Variants in RGS17 observed in about 807,000 individuals in gnomAD.
RGS17 encodes the protein regulator of G protein signaling 17, also known as regulator of G-protein signaling 17.
RGS17 carries 12 observed loss-of-function variants against 25.5 expected under a neutral mutation model. That is an observed-to-expected ratio of 0.47 (90% CI 0.30 to 0.76). The LOEUF is 0.76. Ranked by LOEUF, RGS17 falls within the 30% of genes least tolerant of loss-of-function variation. RGS17 has a pLI of 0.07. For synonymous variants in RGS17, 71 were observed against 76.9 expected, an observed-to-expected ratio of 0.92 and a Z score of 0.40; for missense variants, 196 against 242.2, an observed-to-expected ratio of 0.81 and a Z score of 1.27.
intron 1 of RGS17, among the ~76,000 whole-genome samples, chr6:153,078,208 T>C (rs1776914969): frequency 6.6e-6 from 1 of 152,208 alleles, no homozygotes; most frequent in Non-Finnish European, 1.5e-5. Flanking sequence ...CATCAGCTTT[T>C]GTAAGCCTCT....
rs1055574907 is a variant in RGS17 at position 153,004,744 on chromosome 6, A to G, written c.*6830T>C. ...TGATTCTAGGAAGGGGGAAAAAAAA[A>G]CCCAGAAAAACTTAAATTGGAGGAA... On this transcript the variant is annotated 3_prime_UTR_variant, in exon 5 of 5. Coordinates refer to ENST00000206262, the MANE Select transcript of RGS17 (RefSeq NM_012419.5). 1 of 152,126 alleles carries G rather than the reference A, an allele frequency of 6.6e-6. No homozygotes were observed. The highest frequency in any genetic ancestry group is 1.5e-5 in the Non-Finnish European group (1 of 67,972). 9.4% of individuals were successfully genotyped at this position (152,126 alleles called of 1,614,324 possible).
At chr6:153,098,307 T>C (rs1172313875) in intron 1 of RGS17, among the ~76,000 whole-genome samples, 1 of 152,178 alleles carries the variant, frequency 6.6e-6, no homozygotes, top group Admixed American at 6.5e-5. Context: ...AACATTTCCA[T>C]GATGACCAAC....
At chr6:153,111,793 G>A (rs1777473620) in intron 1 of RGS17, among the ~76,000 whole-genome samples, 2 of 152,188 alleles carry the variant, frequency 1.3e-5, no homozygotes, top group Admixed American at 1.3e-4. Flanking sequence ...GTGATACCCA[G>A]GCAAACAGGG....
At position 153,008,006 on chromosome 6, in the gene RGS17, G is replaced by T. The variant is rs12208327; in HGVS notation, c.*3568C>A. ...GCATCTAATAATTGGTATTTTTTGA[G>T]ATATAATTTGTCACAATTACAATAT... On this transcript the variant is annotated 3_prime_UTR_variant, in exon 5 of 5. Transcript: ENST00000206262. 6.6e-6 allele frequency: 1 copy of T among 152,010 alleles called. No individual in the cohort carries two copies. The allele number at this position is 152,010 out of a possible 1,614,324, so 9.4% of individuals were successfully genotyped here.
chr6:153,074,704 ATT>A (rs930249192), intron 1 of RGS17, among the ~76,000 whole-genome samples: 3 of 152,182 alleles, frequency 2.0e-5, no homozygotes, highest in Admixed American at 2.0e-4. Context: ...GTTTTTGTAA[ATT>A]GGATGTTGTC....
At chr6:153,122,950 GTAAATTGGAGTATTTAA>G (rs1290449562) in intron 1 of RGS17, among the ~76,000 whole-genome samples, 1 of 151,346 alleles carries the variant, frequency 6.6e-6, no homozygotes, top group Non-Finnish European at 1.5e-5. Flanking sequence ...GTACATTGGA[GTAAATTGGAGTATTTAA>G]TACTCCAATG....
At chr6:153,090,620 T>G (rs895736039) in intron 1 of RGS17, among the ~76,000 whole-genome samples, 9 of 151,784 alleles carry the variant, frequency 5.9e-5, no homozygotes, top group African/African-American at 2.2e-4. Context: ...AAATGAGGCC[T>G]TGTCACAAAA....
chr6:153,035,071 T>C (rs1001695903), intron 2 of RGS17, among the ~76,000 whole-genome samples: 3 of 151,828 alleles, frequency 2.0e-5, no homozygotes, highest in African/African-American at 2.4e-5. Flanking sequence ...AGAGAATTGC[T>C]TGAACCTGGC....
intron 1 of RGS17, among the ~76,000 whole-genome samples, chr6:153,064,865 A>T (rs904764048): frequency 7.9e-5 from 12 of 152,174 alleles, no homozygotes; most frequent in Non-Finnish European, 1.6e-4. Flanking sequence ...CACCTTCACT[A>T]AAAGAAGACA....
rs1776357639 is a variant in RGS17 at position 153,044,089 on chromosome 6, G to A, written c.-25-46C>T. ...AATTGGGTATGAAAAAAGCAATAAG[G>A]ATAAGTTGCGTATGCTGAAGGAAGG... On this transcript the variant is annotated intron_variant, in intron 1 of 4. Coordinates refer to ENST00000206262, the MANE Select transcript of RGS17 (RefSeq NM_012419.5). 12 of 894,634 alleles carry A rather than the reference G, an allele frequency of 1.3e-5. No individual in the cohort carries two copies. The South Asian group carries it at 1.5e-4, about 11-fold the overall frequency. 55.4% of individuals were successfully genotyped at this position (894,634 alleles called of 1,614,324 possible). A position where few individuals can be genotyped will look rare whatever the true frequency, so the allele number is the denominator to read the frequency against.
chr6:153,081,908 T>C (rs995827534), intron 1 of RGS17, among the ~76,000 whole-genome samples: 15 of 152,222 alleles, frequency 9.9e-5, no homozygotes, highest in African/African-American at 3.6e-4. Context: ...ACTTTAATAC[T>C]TCTTGCATTA....
intron 2 of RGS17, among the ~76,000 whole-genome samples, chr6:153,040,204 T>C (rs533572868): frequency 6.6e-6 from 1 of 152,320 alleles, no homozygotes; most frequent in East Asian, 1.9e-4. Context: ...AGTGCCTCTA[T>C]GACAGAGATA....
intron 2 of RGS17, among the ~76,000 whole-genome samples, chr6:153,029,449 GT>G (rs1779338198): frequency 6.6e-6 from 1 of 152,020 alleles, no homozygotes; most frequent in South Asian, 2.1e-4. Context: ...GTGCATTGTT[GT>G]TGTTGTTTTT....
intron 1 of RGS17, among the ~76,000 whole-genome samples, chr6:153,089,214 T>C (rs935811047): frequency 9.0e-6 from 1 of 111,010 alleles, no homozygotes; most frequent in South Asian, 2.8e-4. Flanking sequence ...CAAATGTGCA[T>C]AGGTATATAT....
chr6:153,016,529 A>G (rs913016373), intron 4 of RGS17, among the ~76,000 whole-genome samples: 3 of 152,254 alleles, frequency 2.0e-5, no homozygotes, highest in Admixed American at 2.0e-4. Flanking sequence ...AATCATTATT[A>G]TCTTAAGACA....
rs990890180 is a variant in RGS17 at position 153,130,523 on chromosome 6, T to C, written c.-26+601A>G. ...ACACACACACACCCCTCCGGTATTTTACTGCTGGTCAAAGGATTCATTTTC... is the reference window on the plus strand; with the variant it reads ...ACACACACACACCCCTCCGGTATTTCACTGCTGGTCAAAGGATTCATTTTC... On this transcript the variant is annotated intron_variant, in intron 1 of 4. Transcript: ENST00000206262. The surrounding 1 kb of genome is among the most constrained non-coding windows in gnomAD (Gnocchi z 6.4). Among the ~76,000 whole-genome samples, 2 of 151,750 alleles carry C rather than the reference T, an allele frequency of 1.3e-5. No individual in the cohort carries two copies. The highest frequency in any genetic ancestry group is 2.9e-5 in the Non-Finnish European group (2 of 67,958).
intron 1 of RGS17, among the ~76,000 whole-genome samples, chr6:153,123,840 C>A (rs556247248): frequency 6.6e-6 from 1 of 152,160 alleles, no homozygotes; most frequent in African/African-American, 2.4e-5. Context: ...ACAATGATTA[C>A]GCAGGGTAGC....
chr6:153,040,616 C>T (rs1212289792), intron 2 of RGS17, among the ~76,000 whole-genome samples: 1 of 151,762 alleles, frequency 6.6e-6, no homozygotes, highest in African/African-American at 2.4e-5. Context: ...TTTTTACTCC[C>T]TAAATTACAT....
At position 153,005,995 on chromosome 6, in the gene RGS17, C is replaced by T. The variant is rs1422198010; in HGVS notation, c.*5579G>A. On this transcript the variant is annotated 3_prime_UTR_variant, in exon 5 of 5. Transcript: ENST00000206262. ...TCTAAAATAAAAGGTTTAATGGACACATTACTATTTTAAATTTTATACATT... is the reference window on the plus strand; with the variant it reads ...TCTAAAATAAAAGGTTTAATGGACATATTACTATTTTAAATTTTATACATT... 1.3e-5 allele frequency: 2 copies of T among 152,068 alleles called. No individual in the cohort carries two copies. Among genetic ancestry groups the T allele is most frequent in the African/African-American group, 4.8e-5 (2 of 41,390 alleles). 9.4% of individuals were successfully genotyped at this position (152,068 alleles called of 1,614,324 possible).
Sources: gnomAD v4.1 joint callset for allele counts (sites outside exome capture counted in the v4.1 genomes callset) on GRCh38, gnomAD v4.1.1 for gene constraint, Gnocchi (gnomAD v3.1) non-coding constraint, MANE v1.5 for transcripts, NCBI Gene and HGNC (gene_info 2026-07-23, HGNC 2026-07-21) for gene names.